Variants in FNDC3A observed in about 807,000 individuals in gnomAD.
FNDC3A encodes fibronectin type-III domain-containing protein 3A.
Under a neutral mutation model 148.9 loss-of-function variants are expected in FNDC3A, and 32 were observed. The observed-to-expected ratio is 0.21, with a 90% CI of 0.16 to 0.29. The LOEUF (loss-of-function observed/expected upper bound fraction) is 0.29, where lower values mean the gene tolerates loss of function less well. Among genes scored for constraint, FNDC3A ranks in the 10% least tolerant of loss-of-function variants. The pLI is 1.00. For synonymous variants in FNDC3A, 472 were observed against 473.6 expected (o/e 1.00, Z 0.04); for missense variants, 1,191 against 1,452.8 (o/e 0.82, Z 2.93).
intron 1 of FNDC3A, among the ~76,000 whole-genome samples, chr13:48,993,731 A>G (rs1316794961): frequency 6.6e-6 from 1 of 152,166 alleles, no homozygotes; most frequent in Non-Finnish European, 1.5e-5. Flanking sequence ...AATCCTGTCA[A>G]TTTTAGAACC....
intron 1 of FNDC3A, among the ~76,000 whole-genome samples, chr13:48,991,065 G>A (rs1380861337): frequency 6.6e-6 from 1 of 152,186 alleles, no homozygotes; most frequent in East Asian, 1.9e-4. Flanking sequence ...GAAACAAATA[G>A]CAAGATGGTG....
At chr13:49,141,536 T>C (rs1032124261) in intron 7 of FNDC3A, among the ~76,000 whole-genome samples, 6 of 152,184 alleles carry the variant, frequency 3.9e-5, no homozygotes, top group South Asian at 2.1e-4. Flanking sequence ...TAGACAAGGA[T>C]CAAACATTTA....
intron 4 of FNDC3A, among the ~76,000 whole-genome samples, chr13:49,124,658 A>C (rs1881579771): frequency 6.6e-6 from 1 of 152,160 alleles, no homozygotes; most frequent in South Asian, 2.1e-4. Flanking sequence ...TTATTGTTGC[A>C]GTTTAATAAA....
chr13:49,061,318 T>TCTTCCCTTCCCTTCC (rs1313941557), intron 2 of FNDC3A, among the ~76,000 whole-genome samples: 8 of 99,956 alleles, frequency 8.0e-5, no homozygotes, highest in African/African-American at 1.2e-4. Context: ...CCCTCTCTTC[T>TCTTCCCTTCCCTTCC]CTTCCCTTCC....
intron 13 of FNDC3A, among the ~76,000 whole-genome samples, chr13:49,176,152 AT>A (rs1212497585): frequency 2.6e-5 from 4 of 151,996 alleles, no homozygotes; most frequent in African/African-American, 9.7e-5. Flanking sequence ...TGAAATTTTC[AT>A]TTTTTGTTGT....
At chr13:49,049,827 C>G (rs142307753) in intron 2 of FNDC3A, among the ~76,000 whole-genome samples, 94 of 152,234 alleles carry the variant, frequency 6.2e-4, no homozygotes, top group Non-Finnish European at 6.6e-4. Context: ...TCAAGCGATT[C>G]ATCTGCCTTG....
At chr13:49,161,104 G>C (rs372907101) in intron 8 of FNDC3A, among the ~76,000 whole-genome samples, 1 of 152,294 alleles carries the variant, frequency 6.6e-6, no homozygotes, top group Non-Finnish European at 1.5e-5. Context: ...CTATTGATTT[G>C]GGGTGGAGAG....
At chr13:49,160,046 C>T (rs571507004) in intron 8 of FNDC3A, among the ~76,000 whole-genome samples, 13 of 152,256 alleles carry the variant, frequency 8.5e-5, no homozygotes, top group African/African-American at 2.4e-4. Context: ...ATTTTCACAT[C>T]GATGTTCATC....
intron 2 of FNDC3A, among the ~76,000 whole-genome samples, chr13:49,015,576 T>C (rs1251247710): frequency 1.3e-5 from 2 of 152,292 alleles, no homozygotes; most frequent in South Asian, 2.1e-4. Context: ...CTTTTCCTAA[T>C]TGAATACCCT....
In FNDC3A at chr13:49,169,732, A is replaced by T. The variant is rs551352706; in HGVS notation, c.1176+981A>T. ...GCTAGCCTTACTTTTGAAAGCTTTT[A>T]AAAATGTGGGGCTTACTACTTGTTC... On this transcript the variant is annotated intron_variant, in intron 10 of 25. Coordinates refer to ENST00000492622, the MANE Select transcript of FNDC3A (RefSeq NM_001079673.2). 4.3e-4 allele frequency among the ~76,000 whole-genome samples: 66 copies of T among 152,322 alleles called. No homozygotes were observed. The South Asian group carries it at 0.014, about 32-fold the overall frequency.
chr13:49,008,818 G>A (rs767671001), intron 2 of FNDC3A, among the ~76,000 whole-genome samples: 1 of 151,988 alleles, frequency 6.6e-6, no homozygotes. Context: ...TATGGAATCT[G>A]CCTCCCTTTT....
rs185677141 is a variant in FNDC3A, at chr13:49,162,806, C to T, written c.978-4438C>T. Among the ~76,000 whole-genome samples the T allele has an allele frequency of 9.1e-3, 1,378 of 152,212 alleles. 11 individuals are homozygous for T. The highest frequency in any genetic ancestry group is 0.014 in the Non-Finnish European group (967 of 68,018). ...CAGATGGGGTTTTGGTGTGGATGTC[C>T]TTTTTGTTGATGTTGATGCTATTCC... On this transcript the variant is annotated intron_variant, in intron 8 of 25. Transcript: ENST00000492622.
chr13:49,064,872 A>G (rs1323473200), intron 2 of FNDC3A, among the ~76,000 whole-genome samples: 1 of 152,178 alleles, frequency 6.6e-6, no homozygotes, highest in Non-Finnish European at 1.5e-5. Flanking sequence ...GCAAGCTCAC[A>G]GTTCATGTTT....
intron 6 of FNDC3A, 142 bp downstream of exon 6, chr13:49,136,743 CCTCAATT>C: frequency 1.4e-6 from 1 of 712,556 alleles, no homozygotes; most frequent in Non-Finnish European, 2.2e-6. Context: ...GTTTGGAAAG[CCTCAATT>C]AGTAATTTCA....
At chr13:49,039,370 G>C (rs974324761) in intron 2 of FNDC3A, among the ~76,000 whole-genome samples, 1 of 152,126 alleles carries the variant, frequency 6.6e-6, no homozygotes, top group Non-Finnish European at 1.5e-5. Flanking sequence ...TGTAGGCTCT[G>C]TTTGTTTAGA....
At chr13:49,139,957 G>T (rs1387689732) in intron 7 of FNDC3A, among the ~76,000 whole-genome samples, 1 of 152,166 alleles carries the variant, frequency 6.6e-6, no homozygotes, top group East Asian at 1.9e-4. Flanking sequence ...ACTAGAAAAA[G>T]AATTTAGTAG....
intron 1 of FNDC3A, chr13:48,976,738 A>C (rs1951609613): frequency 6.6e-6 from 1 of 152,264 alleles, no homozygotes; most frequent in South Asian, 2.1e-4. Flanking sequence ...TAAAACCTCG[A>C]AAACCCGCCC....
chr13:49,174,988 A>G (rs1242895973), intron 12 of FNDC3A, among the ~76,000 whole-genome samples: 1 of 151,034 alleles, frequency 6.6e-6, no homozygotes, highest in African/African-American at 2.4e-5. Context: ...GGTGCGTTTA[A>G]TTACACAACT....
At chr13:49,086,427 A>G (rs1380534237) in intron 3 of FNDC3A, among the ~76,000 whole-genome samples, 1 of 152,234 alleles carries the variant, frequency 6.6e-6, no homozygotes, top group Non-Finnish European at 1.5e-5. Context: ...ACCAGCTCTC[A>G]AATAGTTACA....
Sources: allele counts gnomAD v4.1 joint callset (sites outside exome capture counted in the v4.1 genomes callset), GRCh38; gene constraint gnomAD v4.1.1; transcripts MANE v1.5; gene names NCBI Gene and HGNC (gene_info 2026-07-23, HGNC 2026-07-21).